Variants in SLIT3 observed in about 807,000 individuals in gnomAD.
SLIT3 encodes the protein slit guidance ligand 3.
A neutral mutation model predicts 184.0 loss-of-function variants in SLIT3; 68 were observed. The ratio of observed to expected loss-of-function variants is 0.37; its 90% CI spans 0.30 to 0.45. The LOEUF (loss-of-function observed/expected upper bound fraction) is 0.45. Among genes scored for constraint, SLIT3 ranks in the 20% least tolerant of loss-of-function variants. The probability of loss-of-function intolerance (pLI) is 1.00; values close to 1 mark genes in which losing one functional copy is unlikely to be tolerated. For missense variants in SLIT3, 1,707 were observed against 2,026.0 expected (o/e 0.84, Z 3.02); for synonymous variants, 831 against 828.6 (o/e 1.00, Z -0.05).
intron 3 of SLIT3, among the ~76,000 whole-genome samples, chr5:169,199,534 G>C (rs1181340937): frequency 6.6e-6 from 1 of 152,192 alleles, no homozygotes; most frequent in Non-Finnish European, 1.5e-5. Context: ...GCAGTAGTTA[G>C]TAATAATACT....
intron 4 of SLIT3, among the ~76,000 whole-genome samples, chr5:169,076,303 A>C (rs764826479): frequency 2.0e-5 from 3 of 152,196 alleles, no homozygotes; most frequent in Non-Finnish European, 4.4e-5. Flanking sequence ...ATATATTAGC[A>C]CTAGAGATTG....
intron 3 of SLIT3, among the ~76,000 whole-genome samples, chr5:169,202,135 G>T (rs553890811): frequency 6.6e-6 from 1 of 152,124 alleles, no homozygotes; most frequent in African/African-American, 2.4e-5. Flanking sequence ...CAGGAGGCTG[G>T]GTGGGAGGAT....
chr5:169,155,547 G>C (rs1762274541), intron 4 of SLIT3, among the ~76,000 whole-genome samples: 1 of 152,186 alleles, frequency 6.6e-6, no homozygotes, highest in Non-Finnish European at 1.5e-5. Context: ...TACAAGGCTG[G>C]GACTGGGAGA....
At chr5:168,957,759 C>T (rs1367601910) in intron 4 of SLIT3, among the ~76,000 whole-genome samples, 1 of 136,548 alleles carries the variant, frequency 7.3e-6, no homozygotes, top group African/African-American at 3.0e-5. Flanking sequence ...TTGCACCCTC[C>T]ACTGTGTATG....
intron 4 of SLIT3, among the ~76,000 whole-genome samples, chr5:169,045,963 G>A (rs1757609459): frequency 6.6e-6 from 1 of 152,208 alleles, no homozygotes; most frequent in Non-Finnish European, 1.5e-5. Context: ...AACAGGCACA[G>A]TTCTTAGTAT....
chr5:168,908,750 G>T (rs1275779429), intron 4 of SLIT3, among the ~76,000 whole-genome samples: 1 of 152,214 alleles, frequency 6.6e-6, no homozygotes, highest in African/African-American at 2.4e-5. Context: ...CATACGAAAA[G>T]TAGGCTAGAC....
intron 3 of SLIT3, among the ~76,000 whole-genome samples, chr5:169,217,508 G>A (rs1764479258): frequency 6.6e-6 from 1 of 152,162 alleles, no homozygotes; most frequent in Non-Finnish European, 1.5e-5. Context: ...AGGAGAACAT[G>A]ACACCATTGC....
chr5:169,172,003 GA>G (rs1762836541), intron 4 of SLIT3, among the ~76,000 whole-genome samples: 1 of 152,194 alleles, frequency 6.6e-6, no homozygotes, highest in African/African-American at 2.4e-5. Flanking sequence ...GCATGGAGGG[GA>G]AATGCCACCT....
At chr5:168,791,904 TCACCC>T (rs1756385648) in intron 10 of SLIT3, 1 of 152,210 alleles carries the variant, frequency 6.6e-6, no homozygotes, top group African/African-American at 2.4e-5. Flanking sequence ...TACCCCACCC[TCACCC>T]CACCGGCCTC....
intron 1 of SLIT3, among the ~76,000 whole-genome samples, chr5:169,283,882 A>C (rs1023461316): frequency 7.2e-5 from 11 of 152,194 alleles, no homozygotes; most frequent in African/African-American, 2.4e-4. Flanking sequence ...TAGACTCTTA[A>C]AAAACAGAAA....
chr5:169,038,762 C>A (rs1488405067), intron 4 of SLIT3, among the ~76,000 whole-genome samples: 3 of 137,174 alleles, frequency 2.2e-5, no homozygotes, highest in African/African-American at 9.4e-5. Context: ...AGCCTGCGTT[C>A]TATGGCACCA....
intron 4 of SLIT3, among the ~76,000 whole-genome samples, chr5:168,969,211 G>A (rs896269444): frequency 3.9e-5 from 6 of 152,182 alleles, no homozygotes; most frequent in Non-Finnish European, 8.8e-5. Flanking sequence ...ACCCCACTGA[G>A]CCAATTCCTC....
intron 3 of SLIT3, among the ~76,000 whole-genome samples, chr5:169,227,116 G>A (rs1764841102): frequency 6.6e-6 from 1 of 152,172 alleles, no homozygotes; most frequent in Non-Finnish European, 1.5e-5. Context: ...AAGACACAGA[G>A]GAGACAGGGC....
intron 4 of SLIT3, among the ~76,000 whole-genome samples, chr5:168,954,400 T>G (rs759239369): frequency 9.9e-5 from 15 of 152,054 alleles, no homozygotes; most frequent in Non-Finnish European, 2.2e-4. Flanking sequence ...AACACTGGCT[T>G]AGTTTTAGGT....
At chr5:168,953,221 T>C (rs549413914) in intron 4 of SLIT3, among the ~76,000 whole-genome samples, 1 of 152,328 alleles carries the variant, frequency 6.6e-6, no homozygotes, top group East Asian at 1.9e-4. Context: ...ATAACCCAAA[T>C]GGATGCTTCT....
intron 4 of SLIT3, among the ~76,000 whole-genome samples, chr5:169,125,362 A>C (rs1761044318): frequency 6.6e-6 from 1 of 152,168 alleles, no homozygotes; most frequent in Non-Finnish European, 1.5e-5. Flanking sequence ...TAGGTTTCTT[A>C]ATTCCTGTCT....
At chr5:169,223,887 G>C (rs1764700968) in intron 3 of SLIT3, among the ~76,000 whole-genome samples, 1 of 152,166 alleles carries the variant, frequency 6.6e-6, no homozygotes, top group Non-Finnish European at 1.5e-5. Context: ...GGGAAAGGAG[G>C]AGGCTGCAGG....
In SLIT3 at chr5:169,090,860, AT is replaced by A. The variant is rs567281763; in HGVS notation, c.413+102618del. Reference sequence around the variant, plus strand: ...GAAAGACAGCCCTGTTCACATCTTGATTTCAGAAGTCTGGCCTCCAGAACTG... The same window carrying A: ...GAAAGACAGCCCTGTTCACATCTTGATTCAGAAGTCTGGCCTCCAGAACTG... On this transcript the variant is annotated intron_variant, in intron 4 of 35. Coordinates refer to ENST00000519560, the MANE Select transcript of SLIT3 (RefSeq NM_003062.4). 1.5e-4 allele frequency among the ~76,000 whole-genome samples: 23 copies of A among 152,350 alleles called. No individual in the cohort carries two copies. In the South Asian group the frequency reaches 4.8e-3, roughly 32 times the overall value.
chr5:168,972,664 G>C (rs1041186051), intron 4 of SLIT3, among the ~76,000 whole-genome samples: 1 of 152,130 alleles, frequency 6.6e-6, no homozygotes, highest in Non-Finnish European at 1.5e-5. Flanking sequence ...AGTGTGGAAT[G>C]AAATCCTGAT....
Sources: allele counts gnomAD v4.1 joint callset (sites outside exome capture counted in the v4.1 genomes callset), GRCh38; gene constraint gnomAD v4.1.1; transcripts MANE v1.5; gene names NCBI Gene and HGNC (gene_info 2026-07-23, HGNC 2026-07-21).